The following EPB41L3 variants were observed in gnomAD, a reference collection of about 807,000 sequenced individuals.
EPB41L3 encodes the protein band 4.1-like protein 3.
A neutral mutation model predicts 127.1 loss-of-function variants in EPB41L3; 57 were observed. The ratio of observed to expected loss-of-function variants is 0.45; its 90% CI spans 0.36 to 0.56. The LOEUF is 0.56. Ranked by LOEUF, EPB41L3 falls within the 20% of genes least tolerant of loss-of-function variation. The pLI is 0.00. For missense variants in EPB41L3, 1,273 were observed against 1,372.2 expected (o/e 0.93, Z 1.14); for synonymous variants, 572 against 549.5 (o/e 1.04, Z -0.57).
intron 18 of EPB41L3, among the ~76,000 whole-genome samples, chr18:5,396,559 A>AC (rs2073519921): frequency 6.6e-6 from 1 of 152,196 alleles, no homozygotes; most frequent in Non-Finnish European, 1.5e-5. Flanking sequence ...TTTGAAGGCA[A>AC]TAAAAAAAAG....
At chr18:5,526,447 C>T (rs914709106) in intron 1 of EPB41L3, among the ~76,000 whole-genome samples, 5 of 152,154 alleles carry the variant, frequency 3.3e-5, no homozygotes, top group African/African-American at 1.2e-4. Context: ...GATCCGAGTG[C>T]CTCCTCCAAG....
At chr18:5,489,839 ATCT>A (rs1412629366) in intron 1 of EPB41L3, among the ~76,000 whole-genome samples, 1 of 152,176 alleles carries the variant, frequency 6.6e-6, no homozygotes, top group Non-Finnish European at 1.5e-5. Flanking sequence ...GTTAATTCTC[ATCT>A]TCTTCCTGGC....
chr18:5,593,744 C>T (rs1287519287), intron 3 of EPB41L3, among the ~76,000 whole-genome samples: 1 of 152,160 alleles, frequency 6.6e-6, no homozygotes, highest in Non-Finnish European at 1.5e-5. Context: ...AAAATGGCCA[C>T]ACCCAAGGGG....
intron 22 of EPB41L3, chr18:5,393,874 C>T (rs370960160): frequency 1.2e-4 from 21 of 176,072 alleles, no homozygotes; most frequent in East Asian, 5.3e-4. Flanking sequence ...CGCTCGACTG[C>T]TGCATTCAGC....
intron 1 of EPB41L3, among the ~76,000 whole-genome samples, chr18:5,527,156 G>C (rs2093253473): frequency 6.6e-6 from 1 of 151,992 alleles, no homozygotes; most frequent in South Asian, 2.1e-4. Flanking sequence ...AAAGCATAAA[G>C]AATCCCAAGT....
At chr18:5,610,846 T>C (rs913742688) in intron 3 of EPB41L3, among the ~76,000 whole-genome samples, 1 of 152,244 alleles carries the variant, frequency 6.6e-6, no homozygotes, top group African/African-American at 2.4e-5. Context: ...TAACATGTCA[T>C]TAAATTTCTA....
At chr18:5,603,549 T>C (rs984322649) in intron 3 of EPB41L3, among the ~76,000 whole-genome samples, 1 of 152,040 alleles carries the variant, frequency 6.6e-6, no homozygotes, top group African/African-American at 2.4e-5. Context: ...CAGGAGTGCC[T>C]CTCCTTTCAA....
At chr18:5,422,785 A>G (rs555899189) in intron 11 of EPB41L3, among the ~76,000 whole-genome samples, 1 of 152,318 alleles carries the variant, frequency 6.6e-6, no homozygotes, top group South Asian at 2.1e-4. Context: ...CCATTTGACT[A>G]ATTTAACTTG....
At chr18:5,410,031 G>A (rs908289478) in intron 14 of EPB41L3, among the ~76,000 whole-genome samples, 1 of 152,046 alleles carries the variant, frequency 6.6e-6, no homozygotes, top group African/African-American at 2.4e-5. Flanking sequence ...TTTCTTATGA[G>A]TGACCGAGGC....
chr18:5,452,263 A>C (rs909168589), intron 3 of EPB41L3, among the ~76,000 whole-genome samples: 1 of 152,204 alleles, frequency 6.6e-6, no homozygotes, highest in African/African-American at 2.4e-5. Flanking sequence ...GAGGACTCTA[A>C]AAATATTTTA....
intron 2 of EPB41L3, among the ~76,000 whole-genome samples, chr18:5,481,912 A>G (rs1336737431): frequency 6.6e-6 from 1 of 152,196 alleles, no homozygotes; most frequent in Non-Finnish European, 1.5e-5. Context: ...AACATATCCA[A>G]TAAAAAACAA....
chr18:5,498,837 T>C (rs2148473169), intron 1 of EPB41L3, among the ~76,000 whole-genome samples: 1 of 152,230 alleles, frequency 6.6e-6, no homozygotes. Flanking sequence ...CTGTTAACCG[T>C]AAATCACCCT....
intron 1 of EPB41L3, among the ~76,000 whole-genome samples, chr18:5,624,262 TG>T (rs2094897905): frequency 6.6e-6 from 1 of 152,226 alleles, no homozygotes; most frequent in Non-Finnish European, 1.5e-5. Flanking sequence ...CTGAAATTGT[TG>T]GGATTACAGG....
At chr18:5,564,657 C>G (rs1280249660) in intron 3 of EPB41L3, among the ~76,000 whole-genome samples, 1 of 152,116 alleles carries the variant, frequency 6.6e-6, no homozygotes, top group Admixed American at 6.5e-5. Flanking sequence ...TCAATAAACA[C>G]CTACAAAATG....
upstream of EPB41L3, among the ~76,000 whole-genome samples, chr18:5,629,594 G>GC (rs532497335): frequency 3.4e-3 from 516 of 151,814 alleles, no homozygotes; most frequent in African/African-American, 0.011. Context: ...TTCCCGGAAG[G>GC]CCCCCCCCTC....
At chr18:5,557,178 G>T (rs1374672881) in intron 3 of EPB41L3, among the ~76,000 whole-genome samples, 1 of 152,154 alleles carries the variant, frequency 6.6e-6, no homozygotes, top group Non-Finnish European at 1.5e-5. Context: ...TTAGTCTGCT[G>T]GGTCTGCAGA....
At position 5,617,341 on chromosome 18, in the gene EPB41L3, C is replaced by T. The variant is rs140755224; in HGVS notation, c.-467-2918G>A. On this transcript the variant is annotated intron_variant, in intron 1 of 21. Coordinates refer to the EPB41L3 transcript ENST00000545076. ...TATTATTTTTTTTTTTTTTTTGAGA[C>T]GGAGTCTCACTCTGTCGCCCAGGCT... is the stretch of plus-strand genomic sequence containing the variant. 5.8e-3 allele frequency among the ~76,000 whole-genome samples: 833 copies of T among 143,492 alleles called. 6 individuals are homozygous for T. Among genetic ancestry groups the T allele is most frequent in the African/African-American group, 0.02 (776 of 38,200 alleles). 94.1% of individuals were successfully genotyped at this position (143,492 alleles called of 152,430 possible). A position where few individuals can be genotyped will look rare whatever the true frequency, so the allele number is the denominator to read the frequency against.
At chr18:5,439,509 T>C (rs2080352701) in intron 5 of EPB41L3, among the ~76,000 whole-genome samples, 2 of 152,228 alleles carry the variant, frequency 1.3e-5, no homozygotes, top group African/African-American at 4.8e-5. Context: ...GTATTAGTTA[T>C]AGTTAATTCT....
intron 3 of EPB41L3, among the ~76,000 whole-genome samples, chr18:5,584,323 G>A (rs538109736): frequency 4.1e-4 from 63 of 152,232 alleles, no homozygotes; most frequent in African/African-American, 1.4e-3. Flanking sequence ...AACGTAACCC[G>A]TCTGAAGCAA....
Sources: allele counts gnomAD v4.1 joint callset (sites outside exome capture counted in the v4.1 genomes callset), GRCh38; gene constraint gnomAD v4.1.1; transcripts MANE v1.5; gene names NCBI Gene and HGNC (gene_info 2026-07-23, HGNC 2026-07-21).